Variants in ATXN7L1 observed in about 807,000 individuals in gnomAD.
The protein encoded by ATXN7L1 is ataxin-7-like protein 1.
A neutral mutation model predicts 70.8 loss-of-function variants in ATXN7L1; 15 were observed. That is an observed-to-expected ratio of 0.21 (90% confidence interval 0.14 to 0.33). The LOEUF (loss-of-function observed/expected upper bound fraction) is 0.33. Ranked by LOEUF, ATXN7L1 falls within the 10% of genes least tolerant of loss-of-function variation. The pLI, the probability that ATXN7L1 is intolerant of heterozygous loss-of-function variation, is 1.00. For synonymous variants in ATXN7L1, 440 were observed against 445.1 expected (o/e 0.99, Z 0.14); for missense variants, 975 against 1,097.1 (o/e 0.89, Z 1.57).
intron 3 of ATXN7L1, among the ~76,000 whole-genome samples, chr7:105,767,142 A>C (rs1221768672): frequency 6.6e-6 from 1 of 152,194 alleles, no homozygotes; most frequent in African/African-American, 2.4e-5. Context: ...AGAAAGTATA[A>C]TATCAGTAAA....
intron 3 of ATXN7L1, among the ~76,000 whole-genome samples, chr7:105,696,805 G>C (rs935644454): frequency 6.6e-6 from 1 of 152,208 alleles, no homozygotes; most frequent in East Asian, 1.9e-4. Context: ...TGGGTAATGG[G>C]GGACCTGCCC....
chr7:105,819,812 TC>T (rs1809834916), intron 2 of ATXN7L1: 1 of 642,460 alleles, frequency 1.6e-6, no homozygotes. Flanking sequence ...TTTGACGGCA[TC>T]CCACCGCCCT....
intron 3 of ATXN7L1, among the ~76,000 whole-genome samples, chr7:105,729,301 G>GAATGAATGAATA (rs549545980): frequency 2.4e-4 from 36 of 147,764 alleles, no homozygotes; most frequent in Admixed American, 1.8e-3. Context: ...ATGAATGAAT[G>GAATGAATGAATA]AATAAATAAA....
At chr7:105,658,016 T>C (rs2116021034) in intron 4 of ATXN7L1, among the ~76,000 whole-genome samples, 1 of 152,286 alleles carries the variant, frequency 6.6e-6, no homozygotes, top group South Asian at 2.1e-4. Context: ...AAGAAAATAA[T>C]GTAATCTATC....
chr7:105,778,478 T>C (rs1005717432), intron 3 of ATXN7L1, among the ~76,000 whole-genome samples: 1 of 127,204 alleles, frequency 7.9e-6, no homozygotes, highest in Non-Finnish European at 1.6e-5. Flanking sequence ...GCCACTGCAC[T>C]CCAGCTTGGG....
chr7:105,655,726 T>C (rs1158860199), intron 4 of ATXN7L1, among the ~76,000 whole-genome samples: 1 of 152,188 alleles, frequency 6.6e-6, no homozygotes, highest in Non-Finnish European at 1.5e-5. Context: ...GGCCTCTCAG[T>C]GATCGCTTCC....
chr7:105,803,646 T>G (rs1481703908), intron 2 of ATXN7L1, among the ~76,000 whole-genome samples: 1 of 152,170 alleles, frequency 6.6e-6, no homozygotes, highest in Non-Finnish European at 1.5e-5. Flanking sequence ...ATGACTGGGT[T>G]CCAGCCAGCC....
chr7:105,683,973 C>T (rs183821678), intron 3 of ATXN7L1, among the ~76,000 whole-genome samples: 3 of 152,314 alleles, frequency 2.0e-5, no homozygotes. Flanking sequence ...TCTCTGCAGG[C>T]CCCCTTCTTC....
At chr7:105,702,005 T>C (rs1417376954) in intron 3 of ATXN7L1, among the ~76,000 whole-genome samples, 2 of 152,372 alleles carry the variant, frequency 1.3e-5, no homozygotes, top group Non-Finnish European at 2.9e-5. Context: ...CAGCAGGCTA[T>C]GGGCCTCTCC....
chr7:105,654,310 C>T (rs1025140172), intron 4 of ATXN7L1, among the ~76,000 whole-genome samples: 2 of 152,242 alleles, frequency 1.3e-5, no homozygotes, highest in Admixed American at 6.5e-5. Flanking sequence ...CCGCTCATAG[C>T]GGCACATGCT....
At chr7:105,623,731 G>A (rs905535458) in intron 8 of ATXN7L1, among the ~76,000 whole-genome samples, 1 of 152,206 alleles carries the variant, frequency 6.6e-6, no homozygotes, top group East Asian at 1.9e-4. Flanking sequence ...AGATGGACAA[G>A]GCCAGAGGGT....
chr7:105,789,575 G>A (rs1410631015), intron 2 of ATXN7L1, among the ~76,000 whole-genome samples: 2 of 152,126 alleles, frequency 1.3e-5, no homozygotes. Context: ...AAAGGGCCAG[G>A]CAGGGGGAAG....
Position 105,619,516 on chromosome 7 carries a change from ATATATATATATATATTTTTTTTTT to A in ATXN7L1, c.1517+660_1517+683del, listed in dbSNP as rs1374243904. Reference sequence around the variant, plus strand: ...GAAGCATATATATATATATATATATATATATATATATATATTTTTTTTTTTTTTTTTTTTTTTTTTTTTTTTTTT... The same window carrying A: ...GAAGCATATATATATATATATATATATTTTTTTTTTTTTTTTTTTTTTTTT... On this transcript the variant is annotated intron_variant, in intron 9 of 11. Transcript: ENST00000419735. 4.2e-4 allele frequency among the ~76,000 whole-genome samples: 10 copies of A among 24,052 alleles called. No individual in the cohort carries two copies. In the South Asian group the frequency reaches 0.011, roughly 26 times the overall value. 15.8% of individuals were successfully genotyped at this position (24,052 alleles called of 152,430 possible).
intron 3 of ATXN7L1, among the ~76,000 whole-genome samples, chr7:105,771,154 C>A (rs530138505): frequency 1.3e-5 from 2 of 151,254 alleles, no homozygotes; most frequent in Non-Finnish European, 2.9e-5. Context: ...GAGCCGAGAT[C>A]GCGCCACTGC....
chr7:105,632,624 C>T (rs767908377), intron 7 of ATXN7L1, among the ~76,000 whole-genome samples: 4 of 152,036 alleles, frequency 2.6e-5, no homozygotes, highest in Non-Finnish European at 5.9e-5. Flanking sequence ...TGAAAATGAG[C>T]TACATCAAGA....
chr7:105,639,079 C>T (rs528056086), intron 6 of ATXN7L1, among the ~76,000 whole-genome samples: 127 of 152,248 alleles, frequency 8.3e-4, no homozygotes, highest in South Asian at 1.5e-3. Context: ...CCCCTGGCCA[C>T]CCCGGTGTGG....
chr7:105,710,692 T>C (rs752228933), intron 3 of ATXN7L1, among the ~76,000 whole-genome samples: 1 of 152,190 alleles, frequency 6.6e-6, no homozygotes, highest in Non-Finnish European at 1.5e-5. Flanking sequence ...ATTGCAGGCA[T>C]GAGCCACCAC....
In ATXN7L1 at chr7:105,605,467, G is replaced by A. The variant is rs904820986; in HGVS notation, c.*2385C>T. On this transcript the variant is annotated 3_prime_UTR_variant, in exon 12 of 12. Transcript: ENST00000419735. ...TCTTTTGACAAAGTAAGCAGCATTC[G>A]ATGAGGGTGGGGGGGGGGGTGGGGG... 4 of 47,014 alleles carry A rather than the reference G, an allele frequency of 8.5e-5. No homozygotes were observed. The highest frequency in any genetic ancestry group is 1.8e-4 in the Non-Finnish European group (4 of 21,698). The allele number at this position is 47,014 out of a possible 1,614,324, so 2.9% of individuals were successfully genotyped here.
chr7:105,863,478 C>A (rs1273158023), intron 2 of ATXN7L1, among the ~76,000 whole-genome samples: 1 of 152,256 alleles, frequency 6.6e-6, no homozygotes, highest in Non-Finnish European at 1.5e-5. Context: ...CCAGGTGCAA[C>A]ACTTAAGGGG....
Sources: gnomAD v4.1 joint callset for allele counts (sites outside exome capture counted in the v4.1 genomes callset) on GRCh38, gnomAD v4.1.1 for gene constraint, MANE v1.5 for transcripts, NCBI Gene and HGNC (gene_info 2026-07-23, HGNC 2026-07-21) for gene names.